Variants in CNTN5 observed in about 807,000 individuals in gnomAD.
The protein encoded by CNTN5 is contactin 5.
In CNTN5, 77 loss-of-function variants were observed where a neutral mutation model predicts 129.1. That is an observed-to-expected ratio of 0.60 (90% confidence interval 0.50 to 0.72). The LOEUF (loss-of-function observed/expected upper bound fraction) is 0.72. Ranked by LOEUF, CNTN5 falls within the 30% of genes least tolerant of loss-of-function variation. The probability of loss-of-function intolerance (pLI) is 0.00; values close to 1 mark genes in which losing one functional copy is unlikely to be tolerated. For missense variants in CNTN5, 1,478 were observed against 1,328.8 expected (o/e 1.11, Z -1.75); for synonymous variants, 509 against 465.6 (o/e 1.09, Z -1.20).
chr11:100,285,001 C>T (rs1179996794), intron 18 of CNTN5, among the ~76,000 whole-genome samples: 1 of 152,180 alleles, frequency 6.6e-6, no homozygotes, highest in East Asian at 1.9e-4. Context: ...ATTTCTCACT[C>T]ATAAAATGGG....
intron 3 of CNTN5, among the ~76,000 whole-genome samples, chr11:99,659,290 G>A (rs1321043100): frequency 6.6e-6 from 1 of 152,132 alleles, no homozygotes; most frequent in Non-Finnish European, 1.5e-5. Context: ...GATGTGGAGA[G>A]ATCCAATGGC....
At chr11:100,035,089 T>G (rs1941911721) in intron 9 of CNTN5, among the ~76,000 whole-genome samples, 1 of 152,200 alleles carries the variant, frequency 6.6e-6, no homozygotes, top group Non-Finnish European at 1.5e-5. Context: ...TCATTTAGCA[T>G]GAGGTATACC....
chr11:100,193,752 A>C, intron 15 of CNTN5, 89 bp downstream of exon 15: 1 of 1,076,276 alleles, frequency 9.3e-7, no homozygotes. Context: ...TGAAGTGCTA[A>C]GAAAAAAAAA....
Position 99,556,554 on chromosome 11 carries a change from AATATATATAT to A in CNTN5, c.55+316_55+325del, listed in dbSNP as rs199758207. 7.0e-3 allele frequency among the ~76,000 whole-genome samples: 505 copies of A among 72,332 alleles called. 3 individuals carry two copies. Among genetic ancestry groups the A allele is most frequent in the African/African-American group, 0.021 (462 of 21,868 alleles). The allele number at this position is 72,332 out of a possible 152,430, so 47.5% of individuals were successfully genotyped here. On this transcript the variant is annotated intron_variant, in intron 3 of 24. Transcript: ENST00000524871. ...CCATCTAGCTTTCAGAAGGCTTGGA[AATATATATAT>A]ATATATATATATATATATATATATA...
chr11:99,762,499 C>A (rs1187592900), intron 3 of CNTN5, among the ~76,000 whole-genome samples: 4 of 151,728 alleles, frequency 2.6e-5, no homozygotes, highest in African/African-American at 9.7e-5. Flanking sequence ...GCCAATTTTC[C>A]CAGCACCATT....
intron 21 of CNTN5, among the ~76,000 whole-genome samples, chr11:100,322,026 T>C (rs1432532741): frequency 6.6e-6 from 1 of 152,136 alleles, no homozygotes; most frequent in Non-Finnish European, 1.5e-5. Flanking sequence ...TTGCCTGGCT[T>C]TGGTATCAGG....
chr11:99,512,357 A>G (rs1565246360), intron 2 of CNTN5, among the ~76,000 whole-genome samples: 1 of 152,186 alleles, frequency 6.6e-6, no homozygotes, highest in Non-Finnish European at 1.5e-5. Context: ...CTAGGATTGT[A>G]GTAATCTATA....
intron 2 of CNTN5, among the ~76,000 whole-genome samples, chr11:99,432,955 G>T (rs72989831): frequency 0.11 from 16,278 of 149,482 alleles, 1,161 homozygotes; most frequent in Non-Finnish European, 0.16. Flanking sequence ...GCAGTAGCTA[G>T]ATGGTAAATA....
chr11:99,521,302 C>T (rs1200589900), intron 2 of CNTN5, among the ~76,000 whole-genome samples: 2 of 152,098 alleles, frequency 1.3e-5, no homozygotes, highest in Non-Finnish European at 1.5e-5. Flanking sequence ...TGCCACTTAA[C>T]TTGCTGGATA....
At chr11:99,789,336 A>C (rs1591182081) in intron 3 of CNTN5, among the ~76,000 whole-genome samples, 1 of 152,104 alleles carries the variant, frequency 6.6e-6, no homozygotes, top group Non-Finnish European at 1.5e-5. Context: ...GAGATTAAGT[A>C]ACTTCTCTAA....
chr11:99,253,199 T>C (rs992387414), intron 1 of CNTN5, among the ~76,000 whole-genome samples: 1 of 152,058 alleles, frequency 6.6e-6, no homozygotes, highest in African/African-American at 2.4e-5. Context: ...TTTGTTGGTT[T>C]TATAAATTGG....
chr11:100,135,056 A>T, intron 13 of CNTN5, among the ~76,000 whole-genome samples: 1 of 152,184 alleles, frequency 6.6e-6, no homozygotes, highest in East Asian at 1.9e-4. Context: ...ATTAAAGTTA[A>T]TTATTATATT....
intron 3 of CNTN5, among the ~76,000 whole-genome samples, chr11:99,722,279 C>T (rs1358185204): frequency 6.6e-6 from 1 of 152,088 alleles, no homozygotes; most frequent in African/African-American, 2.4e-5. Context: ...GGTACATATA[C>T]ACTGTGGAAT....
At chr11:99,621,311 C>G (rs1420421672) in intron 3 of CNTN5, among the ~76,000 whole-genome samples, 1 of 152,020 alleles carries the variant, frequency 6.6e-6, no homozygotes, top group East Asian at 1.9e-4. Context: ...CAGGAGATGG[C>G]TAAATTGGAG....
chr11:99,823,342 G>T (rs1946857429), intron 4 of CNTN5, among the ~76,000 whole-genome samples: 1 of 152,068 alleles, frequency 6.6e-6, no homozygotes, highest in Admixed American at 6.6e-5. Context: ...GTCATCTTGT[G>T]ATTATCTCAA....
chr11:99,425,690 G>A lies in CNTN5; in HGVS notation c.-71+100206G>A, dbSNP rs527629707. Among the ~76,000 whole-genome samples, 5 of 152,374 alleles carry A rather than the reference G, an allele frequency of 3.3e-5. No individual in the cohort carries two copies. In the East Asian group the frequency reaches 7.7e-4, roughly 24 times the overall value. On this transcript the variant is annotated intron_variant, in intron 2 of 24. Coordinates refer to ENST00000524871, the MANE Select transcript of CNTN5 (RefSeq NM_014361.4). ...CACTTAGGAGCTTTCAAGGGCAGGG[G>A]TTGCTTCCTGAGCCTCTGAGAATGC...
rs537122336 is a variant in CNTN5, at chr11:99,585,503, A to G, written c.55+29234A>G. ...GAAAAATATGGTTATTTAAAAAAAT[A>G]TATATATTTAGGTTAACTTATAGTG... On this transcript the variant is annotated intron_variant, in intron 3 of 24. Coordinates refer to ENST00000524871, the MANE Select transcript of CNTN5 (RefSeq NM_014361.4). Among the ~76,000 whole-genome samples, 5 of 152,224 alleles carry G rather than the reference A, an allele frequency of 3.3e-5. No homozygotes were observed. In the East Asian group the frequency reaches 9.6e-4, roughly 29 times the overall value.
chr11:99,354,678 T>C (rs1360414840), intron 2 of CNTN5, among the ~76,000 whole-genome samples: 2 of 152,076 alleles, frequency 1.3e-5, no homozygotes, highest in Non-Finnish European at 2.9e-5. Context: ...TGCACTATAC[T>C]CCAAACCCCA....
At chr11:99,167,218 C>G (rs892634919) in intron 1 of CNTN5, among the ~76,000 whole-genome samples, 3 of 151,824 alleles carry the variant, frequency 2.0e-5, no homozygotes, top group African/African-American at 7.3e-5. Flanking sequence ...TGTGGTTCTG[C>G]TGTTTCTAAA....
Sources: allele counts gnomAD v4.1 joint callset (sites outside exome capture counted in the v4.1 genomes callset), GRCh38; gene constraint gnomAD v4.1.1; transcripts MANE v1.5; gene names NCBI Gene and HGNC (gene_info 2026-07-23, HGNC 2026-07-21).